PCDH15: variants seen among roughly 807,000 people sequenced by gnomAD.
PCDH15 encodes the protein protocadherin-15.
In PCDH15, 129 loss-of-function variants were observed where a neutral mutation model predicts 178.5. That is an observed-to-expected ratio of 0.72 (90% CI 0.63 to 0.84). The LOEUF (loss-of-function observed/expected upper bound fraction) is 0.84. Ranked by LOEUF, PCDH15 falls within the 40% of genes least tolerant of loss-of-function variation. The probability of loss-of-function intolerance (pLI) is 0.00; values close to 1 mark genes in which losing one functional copy is unlikely to be tolerated. For missense variants in PCDH15, 2,230 were observed against 2,099.9 expected, an observed-to-expected ratio of 1.06 and a Z score of -1.21; for synonymous variants, 800 against 732.0, an observed-to-expected ratio of 1.09 and a Z score of -1.50.
At chr10:55,257,533 C>T (rs1040054206) in intron 1 of PCDH15, among the ~76,000 whole-genome samples, 44 of 152,152 alleles carry the variant, frequency 2.9e-4, no homozygotes, top group African/African-American at 1.1e-3. Flanking sequence ...CTTAAAGGAC[C>T]TGATGGAGCT....
At chr10:53,874,511 C>T (rs374384292) in intron 26 of PCDH15, among the ~76,000 whole-genome samples, 1 of 152,058 alleles carries the variant, frequency 6.6e-6, no homozygotes, top group South Asian at 2.1e-4. Flanking sequence ...GTCTAATAGG[C>T]CTGATCTCCA....
intron 3 of PCDH15, among the ~76,000 whole-genome samples, chr10:54,883,057 T>G (rs972607896): frequency 6.6e-6 from 1 of 150,702 alleles, no homozygotes; most frequent in African/African-American, 2.4e-5. Context: ...CCCTCTGATA[T>G]ATTTTGTCTT....
intron 2 of PCDH15, among the ~76,000 whole-genome samples, chr10:55,335,491 T>C (rs1588925821): frequency 6.6e-6 from 1 of 152,226 alleles, no homozygotes; most frequent in East Asian, 1.9e-4. Context: ...AGACTTTCCC[T>C]TCCCTTGGTG....
chr10:54,595,228 A>T (rs141281306), intron 2 of PCDH15, among the ~76,000 whole-genome samples: 123 of 152,278 alleles, frequency 8.1e-4, no homozygotes, highest in African/African-American at 2.9e-3. Flanking sequence ...GCAGTCTGAG[A>T]TCACATTGAC....
intron 16 of PCDH15, among the ~76,000 whole-genome samples, chr10:54,084,232 C>G (rs1378555198): frequency 6.6e-6 from 1 of 151,768 alleles, no homozygotes; most frequent in African/African-American, 2.4e-5. Flanking sequence ...ATTACAGGTT[C>G]CCTGGGAGCT....
At chr10:54,521,247 T>A (rs1351173172) in intron 3 of PCDH15, among the ~76,000 whole-genome samples, 1 of 152,090 alleles carries the variant, frequency 6.6e-6, no homozygotes, top group East Asian at 1.9e-4. Context: ...AATCACTTAC[T>A]GTTTTTAAGT....
At chr10:55,122,144 T>C (rs1837787709) in intron 2 of PCDH15, among the ~76,000 whole-genome samples, 1 of 152,202 alleles carries the variant, frequency 6.6e-6, no homozygotes, top group South Asian at 2.1e-4. Context: ...ATGTATTAAG[T>C]ATTAGACTCT....
At chr10:54,031,412 T>C (rs1425239947) in intron 18 of PCDH15, among the ~76,000 whole-genome samples, 1 of 152,060 alleles carries the variant, frequency 6.6e-6, no homozygotes, top group African/African-American at 2.4e-5. Context: ...AATTAAATAA[T>C]TGGCCTAAAA....
At chr10:54,843,946 CTG>C (rs1953462106) in intron 3 of PCDH15, among the ~76,000 whole-genome samples, 1 of 151,960 alleles carries the variant, frequency 6.6e-6, no homozygotes, top group South Asian at 2.1e-4. Flanking sequence ...TGTCTTGTGA[CTG>C]TTTATCAAAA....
chr10:54,546,693 T>C (rs747894907), intron 2 of PCDH15, among the ~76,000 whole-genome samples: 5 of 152,198 alleles, frequency 3.3e-5, no homozygotes, highest in Non-Finnish European at 7.3e-5. Flanking sequence ...ATCTGTTTTG[T>C]TAAAACACAT....
At position 53,803,246 on chromosome 10, in the gene PCDH15, CTATTTTG is replaced by C. The variant is rs1311509280; in HGVS notation, c.*3326_*3332del. 6.6e-6 allele frequency: 1 copy of C among 151,680 alleles called. No homozygotes were observed. The highest frequency in any genetic ancestry group is 2.4e-5 in the African/African-American group (1 of 41,350). The allele number at this position is 151,680 out of a possible 1,614,324, so 9.4% of individuals were successfully genotyped here. A position where few individuals can be genotyped will look rare whatever the true frequency, so the allele number is the denominator to read the frequency against. ...AGAATAGATTATTAGCACTTTTTGC[CTATTTTG>C]CTAATTAAATTCAAGTGGTATATAA... On this transcript the variant is annotated 3_prime_UTR_variant, in exon 38 of 38. Transcript: ENST00000644397.
At chr10:55,357,120 T>C (rs976646659) in intron 2 of PCDH15, among the ~76,000 whole-genome samples, 8 of 151,806 alleles carry the variant, frequency 5.3e-5, no homozygotes, top group African/African-American at 1.9e-4. Flanking sequence ...AAATAAAAAA[T>C]CGCTGGGCAG....
chr10:55,297,157 A>T (rs1843153873), intron 1 of PCDH15, among the ~76,000 whole-genome samples: 1 of 152,148 alleles, frequency 6.6e-6, no homozygotes, highest in African/African-American at 2.4e-5. Context: ...AAATAAGAAC[A>T]TTATACAGTA....
intron 1 of PCDH15, among the ~76,000 whole-genome samples, chr10:54,722,757 G>A (rs1000726950): frequency 1.3e-5 from 2 of 151,504 alleles, no homozygotes; most frequent in Admixed American, 6.6e-5. Context: ...TAACATTCAA[G>A]CTGAGAACCA....
At chr10:53,849,860 C>CAAAAAAAAAAAA (rs58458871) in intron 28 of PCDH15, among the ~76,000 whole-genome samples, 5 of 52,726 alleles carry the variant, frequency 9.5e-5, no homozygotes, top group East Asian at 1.0e-3. Flanking sequence ...GGCTCCGTCT[C>CAAAAAAAAAAAA]AAAAAAAAAA....
intron 1 of PCDH15, among the ~76,000 whole-genome samples, chr10:55,194,750 T>C (rs1423118888): frequency 6.6e-6 from 1 of 151,850 alleles, no homozygotes; most frequent in African/African-American, 2.4e-5. Flanking sequence ...TAAAAATAAT[T>C]AGCAATATAA....
chr10:54,356,542 A>G (rs1337323949), intron 5 of PCDH15, among the ~76,000 whole-genome samples: 3 of 151,710 alleles, frequency 2.0e-5, no homozygotes, highest in Admixed American at 6.6e-5. Context: ...CACTTAATGT[A>G]TGACATACTT....
chr10:54,935,842 C>T (rs1371102775), intron 2 of PCDH15, among the ~76,000 whole-genome samples: 2 of 151,636 alleles, frequency 1.3e-5, no homozygotes. Context: ...GAGACATGTC[C>T]CCCAAAAGGA....
intron 17 of PCDH15, among the ~76,000 whole-genome samples, chr10:54,073,222 C>T (rs1371460320): frequency 6.7e-6 from 1 of 149,820 alleles, no homozygotes; most frequent in East Asian, 1.9e-4. Context: ...TTATAGTATA[C>T]CTGTATACTA....
Sources: allele counts gnomAD v4.1 joint callset (sites outside exome capture counted in the v4.1 genomes callset), GRCh38; gene constraint gnomAD v4.1.1; transcripts MANE v1.5; gene names NCBI Gene and HGNC (gene_info 2026-07-23, HGNC 2026-07-21).